Variants in DOP1B observed in about 807,000 individuals in gnomAD.
The protein encoded by DOP1B is DOP1 leucine zipper like protein B, also known as protein DOP1B.
In DOP1B, 174 loss-of-function variants were observed where a neutral mutation model predicts 233.5. The observed-to-expected ratio is 0.75, with a 90% CI of 0.66 to 0.85. The LOEUF is 0.85. DOP1B is among the 40% of genes least tolerant of loss of function. The pLI, the probability that DOP1B is intolerant of heterozygous loss-of-function variation, is 0.00. For synonymous variants in DOP1B, 1,190 were observed against 1,185.6 expected (o/e 1.00, Z -0.08); for missense variants, 2,652 against 2,846.6 (o/e 0.93, Z 1.56).
chr21:36,167,235 C>T (rs553733753), intron 2 of DOP1B, among the ~76,000 whole-genome samples: 2 of 152,116 alleles, frequency 1.3e-5, no homozygotes, highest in South Asian at 2.1e-4. Flanking sequence ...TGCAGTGACA[C>T]GATCTCGGCT....
chr21:36,245,473 T>C lies in DOP1B; in HGVS notation c.3493T>C (p.Phe1165Leu), dbSNP rs550112551. 3.7e-6 allele frequency: 6 copies of C among 1,613,848 alleles called. No individual in the cohort carries two copies. Among genetic ancestry groups the C allele is most frequent in the Non-Finnish European group, 4.2e-6 (5 of 1,180,032 alleles). Residue 1165 changes from phenylalanine to leucine, a missense_variant, in exon 19 of 37, where the codon TTC becomes CTC. Physicochemically the swap from Phe to Leu is conservative, Grantham distance 22. This residue lies in a region of DOP1B where 2,617 missense variants were observed against 2,794.3 expected (regional missense o/e 0.94). Coordinates refer to ENST00000691173, the MANE Select transcript of DOP1B (RefSeq NM_001320714.2). The surrounding 1 kb of genome is among the most constrained non-coding windows in gnomAD (Gnocchi z 5.5). Reference protein sequence around the residue: ...YPKRSALLAAFQSESFKAGAK... With the variant: ...YPKRSALLAALQSESFKAGAK... ...CAAGCGCTCGGCCCTGCTGGCGGCCTTCCAGTCAGAAAGCTTCAAGGCTGG... is the reference window on the plus strand; with the variant it reads ...CAAGCGCTCGGCCCTGCTGGCGGCCCTCCAGTCAGAAAGCTTCAAGGCTGG...
intron 4 of DOP1B, among the ~76,000 whole-genome samples, chr21:36,204,902 G>A (rs548205046): frequency 6.6e-6 from 1 of 152,192 alleles, no homozygotes; most frequent in African/African-American, 2.4e-5. Flanking sequence ...TGATCCACCT[G>A]CCTCAGCCTC....
At position 36,171,550 on chromosome 21, in the gene DOP1B, A is replaced by G. The variant is rs1302459055; in HGVS notation, c.138+6679A>G. Reference sequence around the variant, plus strand: ...AAAAAGGGGAAATGTAGACACAGACATGCATGAGGGAAGGCACCATGTGAG... The same window carrying G: ...AAAAAGGGGAAATGTAGACACAGACGTGCATGAGGGAAGGCACCATGTGAG... On this transcript the variant is annotated intron_variant, in intron 2 of 36. Coordinates refer to ENST00000691173, the MANE Select transcript of DOP1B (RefSeq NM_001320714.2). Among the ~76,000 whole-genome samples, 11 of 152,188 alleles carry G rather than the reference A, an allele frequency of 7.2e-5. No homozygotes were observed. In the East Asian group the frequency reaches 2.1e-3, roughly 29 times the overall value.
chr21:36,273,047 A>G (rs1468831026), intron 27 of DOP1B, among the ~76,000 whole-genome samples: 1 of 149,944 alleles, frequency 6.7e-6, no homozygotes, highest in Non-Finnish European at 1.5e-5. Flanking sequence ...GGTTGCAGTG[A>G]GTCGAGATGG....
chr21:36,187,039 A>G (rs913301385), intron 2 of DOP1B, among the ~76,000 whole-genome samples: 13 of 151,966 alleles, frequency 8.6e-5, no homozygotes, highest in Non-Finnish European at 1.9e-4. Flanking sequence ...ACTGATAAAA[A>G]TGAGCTTCTG....
At position 36,293,517 on chromosome 21, in the gene DOP1B, A is replaced by G. The variant is rs758288400; in HGVS notation, c.6843A>G (p.Leu2281=). ...CTGTCACAGATAGCCCAAGGATCTT[A>G]AAACAACTGGAAGAATGCATCGAAT... ...DFPVTDSPRI[L]KQLEECIEYD... is the part of the protein sequence containing the mutation. The change falls in exon 37 of 37, where the codon TTA becomes TTG. Residue 2281 remains leucine, a synonymous_variant. Coordinates refer to ENST00000691173, the MANE Select transcript of DOP1B (RefSeq NM_001320714.2). 1.2e-6 allele frequency: 2 copies of G among 1,614,066 alleles called. No individual in the cohort carries two copies. Among genetic ancestry groups the G allele is most frequent in the African/African-American group, 2.7e-5 (2 of 74,948 alleles).
At chr21:36,227,486 G>A (rs1274369390) in intron 12 of DOP1B, among the ~76,000 whole-genome samples, 200 bp from the exon 13 acceptor site, 1 of 151,912 alleles carries the variant, frequency 6.6e-6, no homozygotes, top group Non-Finnish European at 1.5e-5. Context: ...GGCTGAGCTT[G>A]CAGTGAGCCG....
At chr21:36,276,945 A>T in intron 27 of DOP1B, 76 bp from the exon 28 acceptor site, 5 of 1,465,582 alleles carry the variant, frequency 3.4e-6, no homozygotes, top group Non-Finnish European at 4.7e-6. Flanking sequence ...GCTCACATTC[A>T]TGCAGGGCTT....
At chr21:36,277,180 A>C in intron 28 of DOP1B, 80 bp downstream of exon 28, 1 of 1,478,336 alleles carries the variant, frequency 6.8e-7, no homozygotes, top group Non-Finnish European at 9.3e-7. Flanking sequence ...GTTCATTCCC[A>C]GGTGCCAGTG....
chr21:36,288,249 T>C, intron 33 of DOP1B, 99 bp downstream of exon 33: 1 of 1,225,466 alleles, frequency 8.2e-7, no homozygotes, highest in Non-Finnish European at 1.1e-6. Context: ...CCATTTTATC[T>C]AAATGTTATT....
intron 11 of DOP1B, among the ~76,000 whole-genome samples, chr21:36,224,349 T>G (rs62229350): frequency 0.079 from 11,970 of 152,092 alleles, 654 homozygotes; most frequent in Non-Finnish European, 0.12. Flanking sequence ...CCAGCTAATT[T>G]TTGTATTTTT....
At chr21:36,224,452 T>C (rs1453207443) in intron 11 of DOP1B, among the ~76,000 whole-genome samples, 1 of 151,864 alleles carries the variant, frequency 6.6e-6, no homozygotes, top group Non-Finnish European at 1.5e-5. Context: ...ATTGCTGGGA[T>C]TACAGGCATG....
chr21:36,184,264 G>T (rs528926182), intron 2 of DOP1B, among the ~76,000 whole-genome samples: 2 of 152,016 alleles, frequency 1.3e-5, no homozygotes, highest in Non-Finnish European at 2.9e-5. Context: ...GGTCAGGCTG[G>T]TCTCAAACTC....
chr21:36,285,194 G>T (rs1360276782), intron 32 of DOP1B, among the ~76,000 whole-genome samples: 3 of 151,874 alleles, frequency 2.0e-5, no homozygotes, highest in South Asian at 2.1e-4. Context: ...CAAGTAGCTG[G>T]GATTACAGGC....
chr21:36,263,085 T>A (rs2067191600), intron 24 of DOP1B, among the ~76,000 whole-genome samples: 1 of 151,464 alleles, frequency 6.6e-6, no homozygotes, highest in African/African-American at 2.4e-5. Context: ...AAATACAAAA[T>A]TAGCCGAGCG....
At chr21:36,293,075 C>G (rs1331829284) in intron 36 of DOP1B, among the ~76,000 whole-genome samples, 1 of 151,860 alleles carries the variant, frequency 6.6e-6, no homozygotes, top group African/African-American at 2.4e-5. Context: ...TCATGGTGAC[C>G]GGTACCTGTA....
chr21:36,272,877 C>G (rs909950293), intron 27 of DOP1B, among the ~76,000 whole-genome samples: 44 of 149,082 alleles, frequency 3.0e-4, no homozygotes, highest in African/African-American at 1.0e-3. Context: ...CCATCTACTC[C>G]GGAGGCTGAG....
At chr21:36,204,117 A>G (rs190780658) in intron 4 of DOP1B, among the ~76,000 whole-genome samples, 51 of 152,222 alleles carry the variant, frequency 3.4e-4, no homozygotes, top group Middle Eastern at 3.4e-3. Flanking sequence ...ATCTGGAGAC[A>G]GTTTTGGCTG....
intron 35 of DOP1B, among the ~76,000 whole-genome samples, chr21:36,291,796 T>C (rs545011860): frequency 2.6e-5 from 4 of 152,176 alleles, no homozygotes; most frequent in South Asian, 4.1e-4. Flanking sequence ...AGGGAACATA[T>C]AGTGTATGAT....
Sources: gnomAD v4.1 joint callset for allele counts (sites outside exome capture counted in the v4.1 genomes callset) on GRCh38, gnomAD v4.1.1 for gene constraint, gnomAD v4.1.1 regional missense constraint, Gnocchi (gnomAD v3.1) non-coding constraint, MANE v1.5 for transcripts, NCBI Gene and HGNC (gene_info 2026-07-23, HGNC 2026-07-21) for gene names.